Variants in SWAP70 observed in about 807,000 individuals in gnomAD.
The protein encoded by SWAP70 is switch-associated protein 70.
A neutral mutation model predicts 80.2 loss-of-function variants in SWAP70; 34 were observed. That is an observed-to-expected ratio of 0.42 (90% CI 0.32 to 0.56). The LOEUF is 0.56. Among genes scored for constraint, SWAP70 ranks in the 20% least tolerant of loss-of-function variants. SWAP70 has a pLI of 0.09. For missense variants in SWAP70, 578 were observed against 690.7 expected, an observed-to-expected ratio of 0.84 and a Z score of 1.83; for synonymous variants, 239 against 238.5, an observed-to-expected ratio of 1.00 and a Z score of -0.02.
chr11:9,712,322 TAC>T (rs1288171657), intron 2 of SWAP70, among the ~76,000 whole-genome samples: 3 of 152,340 alleles, frequency 2.0e-5, no homozygotes, highest in Non-Finnish European at 2.9e-5. Context: ...TGTTAAATTA[TAC>T]AGTTATATTA....
At chr11:9,714,049 G>T (rs1851033884) in intron 3 of SWAP70, among the ~76,000 whole-genome samples, 1 of 152,150 alleles carries the variant, frequency 6.6e-6, no homozygotes. Context: ...TACTATTCTT[G>T]TTTCAAAGTC....
chr11:9,694,347 C>T, intron 2 of SWAP70, 61 bp downstream of exon 2: 1 of 1,507,512 alleles, frequency 6.6e-7, no homozygotes, highest in Non-Finnish European at 8.9e-7. Context: ...CAAGTGGGCC[C>T]AAAAGCCCCC....
In SWAP70 at chr11:9,713,546, C is replaced by G. The variant is rs1851026887; in HGVS notation, c.321C>G (p.Pro107=). 1 of 1,613,994 alleles carries G rather than the reference C, an allele frequency of 6.2e-7. No homozygotes were observed. The highest frequency in any genetic ancestry group is 8.5e-7 in the Non-Finnish European group (1 of 1,179,962). ...LCVKKNLTKN[P]LLITEEDAFK... is the part of the protein sequence containing the mutation. ...TCAAAAAAAACCTCACAAAGAATCC[C>G]CTGCTCATTACAGAAGAAGATGCAT... Residue 107 remains proline (P), a synonymous_variant, in exon 3 of 12, where the codon CCC becomes CCG. Transcript: ENST00000318950.
At chr11:9,696,327 T>C (rs1257278262) in intron 2 of SWAP70, among the ~76,000 whole-genome samples, 4 of 152,206 alleles carry the variant, frequency 2.6e-5, no homozygotes, top group African/African-American at 9.7e-5. Flanking sequence ...ATTTTTAAAA[T>C]TGGTGATGAA....
chr11:9,729,514 T>C (rs1289133736), intron 6 of SWAP70, 63 bp downstream of exon 6: 14 of 1,269,844 alleles, frequency 1.1e-5, no homozygotes, highest in Non-Finnish European at 1.5e-5. Context: ...CTTTTTTTTT[T>C]CTGAGACGGA....
At chr11:9,727,853 T>C (rs1456928068) in intron 4 of SWAP70, among the ~76,000 whole-genome samples, 200 bp from the exon 5 acceptor site, 3 of 152,238 alleles carry the variant, frequency 2.0e-5, no homozygotes, top group Non-Finnish European at 2.9e-5. Context: ...TCTGAAATTA[T>C]ATGCAAATTT....
intron 3 of SWAP70, among the ~76,000 whole-genome samples, chr11:9,724,152 G>A (rs1851176842): frequency 1.3e-5 from 2 of 152,214 alleles, no homozygotes; most frequent in African/African-American, 4.8e-5. Flanking sequence ...TCCTGCTCAT[G>A]CTAGGTATTC....
chr11:9,748,119 A>G, intron 10 of SWAP70, 63 bp downstream of exon 10: 3 of 1,511,290 alleles, frequency 2.0e-6, no homozygotes, highest in South Asian at 1.2e-5. Context: ...TCTCAATAAT[A>G]GAATTATTTG....
In SWAP70 at chr11:9,729,335, T is replaced by C; in HGVS notation, c.790-8T>C. ...ATTTTGAGGAACTAATTTTGCTTTC[T>C]GTTTTAGTCCTTGCCTGACAAAGAT... is the stretch of plus-strand genomic sequence containing the variant. On this transcript the variant is annotated splice_region_variant and splice_polypyrimidine_tract_variant and intron_variant, in intron 5 of 11. Coordinates refer to ENST00000318950, the MANE Select transcript of SWAP70 (RefSeq NM_015055.4). 1 of 1,582,758 alleles carries C rather than the reference T, an allele frequency of 6.3e-7. No homozygotes were observed. Among genetic ancestry groups the C allele is most frequent in the Non-Finnish European group, 8.6e-7 (1 of 1,164,442 alleles).
At chr11:9,748,459 C>G (rs1014679819) in intron 10 of SWAP70, among the ~76,000 whole-genome samples, 1 of 152,186 alleles carries the variant, frequency 6.6e-6, no homozygotes, top group African/African-American at 2.4e-5. Flanking sequence ...GTGATCCATA[C>G]CTCCATGGAG....
chr11:9,728,251 C>G (rs1312208321), intron 5 of SWAP70, 52 bp downstream of exon 5: 1 of 1,477,064 alleles, frequency 6.8e-7, no homozygotes, highest in Non-Finnish European at 9.0e-7. Context: ...CCCCCTGATG[C>G]TGAAGTAGCT....
chr11:9,684,117 T>C (rs1248549409), intron 1 of SWAP70, among the ~76,000 whole-genome samples: 1 of 152,218 alleles, frequency 6.6e-6, no homozygotes, highest in African/African-American at 2.4e-5. Context: ...GGTCTTACAC[T>C]GTCACCCAGG....
intron 1 of SWAP70, among the ~76,000 whole-genome samples, chr11:9,671,749 TAAA>T (rs1850407447): frequency 3.3e-5 from 2 of 60,058 alleles, no homozygotes; most frequent in African/African-American, 1.2e-4. Flanking sequence ...CATAGAAATA[TAAA>T]TATATAAATA....
chr11:9,718,686 GT>G (rs1851096188), intron 3 of SWAP70, among the ~76,000 whole-genome samples: 1 of 145,970 alleles, frequency 6.9e-6, no homozygotes. Context: ...GTTATCAGTA[GT>G]TTTTAGGATT....
intron 1 of SWAP70, among the ~76,000 whole-genome samples, chr11:9,673,505 A>T (rs935694709): frequency 6.6e-6 from 1 of 152,054 alleles, no homozygotes; most frequent in Non-Finnish European, 1.5e-5. Flanking sequence ...TCTTATGGAG[A>T]CTTTATTGGA....
At chr11:9,745,910 G>C (rs535895604) in intron 9 of SWAP70, among the ~76,000 whole-genome samples, 1 of 152,198 alleles carries the variant, frequency 6.6e-6, no homozygotes, top group Non-Finnish European at 1.5e-5. Context: ...AGAAAGGCAG[G>C]TGACCAGGCC....
chr11:9,715,636 G>A (rs915280283), intron 3 of SWAP70, among the ~76,000 whole-genome samples: 2 of 152,212 alleles, frequency 1.3e-5, no homozygotes, highest in Non-Finnish European at 2.9e-5. Context: ...CTCACATGGT[G>A]GCAGACAAGA....
intron 3 of SWAP70, among the ~76,000 whole-genome samples, chr11:9,723,855 C>A (rs1851172618): frequency 1.3e-5 from 2 of 151,590 alleles, no homozygotes; most frequent in South Asian, 4.2e-4. Flanking sequence ...TCACTGCAAC[C>A]TCTGTCTTCA....
At chr11:9,677,512 C>G (rs11600183) in intron 1 of SWAP70, among the ~76,000 whole-genome samples, 29,251 of 152,108 alleles carry the variant, frequency 0.19, 3,573 homozygotes, top group Non-Finnish European at 0.27. Flanking sequence ...ACCATTATTT[C>G]TAGCTTCTTC....
Sources: allele counts gnomAD v4.1 joint callset (sites outside exome capture counted in the v4.1 genomes callset), GRCh38; gene constraint gnomAD v4.1.1; transcripts MANE v1.5; gene names NCBI Gene and HGNC (gene_info 2026-07-23, HGNC 2026-07-21).